The following ADAMTS19 variants were observed in gnomAD, a reference collection of about 807,000 sequenced individuals.
ADAMTS19 encodes ADAM metallopeptidase with thrombospondin type 1 motif 19.
In ADAMTS19, 93 loss-of-function variants were observed where a neutral mutation model predicts 153.3. The ratio of observed to expected loss-of-function variants is 0.61; its 90% CI spans 0.51 to 0.72. The LOEUF (loss-of-function observed/expected upper bound fraction) is 0.72. Among genes scored for constraint, ADAMTS19 ranks in the 30% least tolerant of loss-of-function variants. The pLI, the probability that ADAMTS19 is intolerant of heterozygous loss-of-function variation, is 0.00. For missense variants in ADAMTS19, 1,482 were observed against 1,552.1 expected (o/e 0.95, Z 0.76); for synonymous variants, 600 against 556.6 (o/e 1.08, Z -1.10).
intron 7 of ADAMTS19, among the ~76,000 whole-genome samples, chr5:129,569,275 CA>C: frequency 6.6e-6 from 1 of 151,890 alleles, no homozygotes; most frequent in Admixed American, 6.6e-5. Context: ...ATCAATTAAC[CA>C]AAAAGATATA....
intron 21 of ADAMTS19, among the ~76,000 whole-genome samples, chr5:129,729,161 A>G (rs918959608): frequency 2.0e-5 from 3 of 152,148 alleles, no homozygotes; most frequent in African/African-American, 7.2e-5. Context: ...AGGAAAAATA[A>G]GTTTCAGGTA....
intron 6 of ADAMTS19, among the ~76,000 whole-genome samples, chr5:129,539,548 C>A (rs1444206588): frequency 1.3e-5 from 2 of 152,032 alleles, no homozygotes; most frequent in Non-Finnish European, 2.9e-5. Context: ...TCTGTTATAG[C>A]AGCAATCGGA....
intron 15 of ADAMTS19, among the ~76,000 whole-genome samples, chr5:129,663,591 G>T (rs1753912618): frequency 1.3e-5 from 2 of 152,066 alleles, no homozygotes; most frequent in African/African-American, 4.8e-5. Context: ...TGGTTACTAA[G>T]TTCAGAAATT....
chr5:129,591,435 G>C (rs1750128710), intron 7 of ADAMTS19, among the ~76,000 whole-genome samples: 1 of 151,936 alleles, frequency 6.6e-6, no homozygotes, highest in Non-Finnish European at 1.5e-5. Context: ...TGGAACTACA[G>C]GCATGCACCA....
chr5:129,594,745 G>C (rs1434269742), intron 7 of ADAMTS19, among the ~76,000 whole-genome samples: 2 of 151,724 alleles, frequency 1.3e-5, no homozygotes, highest in African/African-American at 4.8e-5. Flanking sequence ...TTCATCTGTT[G>C]TTTAATAGAA....
intron 2 of ADAMTS19, among the ~76,000 whole-genome samples, chr5:129,504,743 G>C (rs867125468): frequency 1.3e-5 from 2 of 151,932 alleles, no homozygotes; most frequent in South Asian, 4.2e-4. Flanking sequence ...ATGTGAGATT[G>C]TGCAGTATTT....
At chr5:129,525,967 G>A (rs1388112677) in intron 3 of ADAMTS19, among the ~76,000 whole-genome samples, 1 of 151,946 alleles carries the variant, frequency 6.6e-6, no homozygotes, top group African/African-American at 2.4e-5. Flanking sequence ...TTATATTGGA[G>A]CTGTTTGCTA....
intron 21 of ADAMTS19, among the ~76,000 whole-genome samples, chr5:129,718,357 A>G (rs1290298869): frequency 6.6e-6 from 1 of 152,176 alleles, no homozygotes; most frequent in Admixed American, 6.5e-5. Flanking sequence ...AAAAAAAATA[A>G]TGAATTAATT....
Position 129,468,595 on chromosome 5 carries a change from G to A in ADAMTS19, c.747+6838G>A, listed in dbSNP as rs531545071. Among the ~76,000 whole-genome samples, 6 of 152,056 alleles carry A rather than the reference G, an allele frequency of 3.9e-5. No individual in the cohort carries two copies. The South Asian group carries it at 8.3e-4, about 21-fold the overall frequency. On this transcript the variant is annotated intron_variant, in intron 2 of 22. Transcript: ENST00000274487. ...TCTCGATCTCTTGACCTCATGATCC[G>A]CCCACCTTGGCCTCCCAAAGTGCTG...
At chr5:129,505,985 C>T (rs1169718027) in intron 2 of ADAMTS19, among the ~76,000 whole-genome samples, 3 of 152,088 alleles carry the variant, frequency 2.0e-5, no homozygotes, top group Admixed American at 6.6e-5. Flanking sequence ...ATTCAGAGGA[C>T]GATATTCGCA....
At chr5:129,596,485 C>CATT in intron 7 of ADAMTS19, 74 bp from the exon 8 acceptor site, 1 of 1,006,456 alleles carries the variant, frequency 9.9e-7, no homozygotes, top group Non-Finnish European at 1.5e-6. Flanking sequence ...CATTTTCATT[C>CATT]CTGCTGCTAA....
intron 7 of ADAMTS19, among the ~76,000 whole-genome samples, chr5:129,573,213 T>C (rs1753974742): frequency 6.6e-6 from 1 of 152,074 alleles, no homozygotes; most frequent in African/African-American, 2.4e-5. Flanking sequence ...AATGAAGCCT[T>C]GCTTAGGACC....
intron 10 of ADAMTS19, among the ~76,000 whole-genome samples, chr5:129,627,421 C>T (rs1752098659): frequency 6.6e-6 from 1 of 151,850 alleles, no homozygotes; most frequent in Non-Finnish European, 1.5e-5. Flanking sequence ...ACAACCTAGG[C>T]AATACTGGTC....
rs1752010804 is a variant in ADAMTS19, at chr5:129,526,436, A to G, written c.1066A>G (p.Ile356Val). 2 of 1,596,444 alleles carry G rather than the reference A, an allele frequency of 1.3e-6. No individual in the cohort carries two copies. The highest frequency in any genetic ancestry group is 2.3e-5 in the South Asian group (2 of 87,284). Reference sequence around the variant, plus strand: ...TGGAGCAGATGCAGCCAGGAGATTCATTCTAACCATCTTAAATATGGTAGG... The same window carrying G: ...TGGAGCAGATGCAGCCAGGAGATTCGTTCTAACCATCTTAAATATGGTAGG... ...YHGADAARRF[I>V]LTILNMVFNL... is the part of the protein sequence containing the mutation. The change falls in exon 4 of 23, where the codon ATT becomes GTT. Residue 356 changes from isoleucine (I) to valine (V), a missense_variant. Physicochemically the swap from Ile to Val is conservative, Grantham distance 29. This residue lies in a region of ADAMTS19 where 866 missense variants were observed against 827.7 expected (regional missense o/e 1.05). Transcript: ENST00000274487.
intron 7 of ADAMTS19, among the ~76,000 whole-genome samples, chr5:129,552,818 A>T (rs995381881): frequency 6.6e-6 from 1 of 152,064 alleles, no homozygotes; most frequent in Non-Finnish European, 1.5e-5. Flanking sequence ...ATATGTTTAA[A>T]ATCTTAGATA....
rs144262924 is a variant in ADAMTS19 at position 129,584,082 on chromosome 5, T to A, written c.1373-12477T>A. 4.4e-3 allele frequency among the ~76,000 whole-genome samples: 666 copies of A among 152,258 alleles called. 5 individuals are homozygous for A. Among genetic ancestry groups the A allele is most frequent in the Non-Finnish European group, 6.2e-3 (420 of 68,008 alleles). On this transcript the variant is annotated intron_variant, in intron 7 of 22. Coordinates refer to ENST00000274487, the MANE Select transcript of ADAMTS19 (RefSeq NM_133638.6). ...CTTTGGTCTTTGATGTTGATGACCTTCAGATGGGGTCTCTGACTGGATGTG... is the reference window on the plus strand; with the variant it reads ...CTTTGGTCTTTGATGTTGATGACCTACAGATGGGGTCTCTGACTGGATGTG...
intron 7 of ADAMTS19, among the ~76,000 whole-genome samples, chr5:129,575,119 A>G (rs1754054852): frequency 6.6e-6 from 1 of 152,086 alleles, no homozygotes; most frequent in Non-Finnish European, 1.5e-5. Context: ...TTACTTGAAT[A>G]AAAATGCTGA....
intron 18 of ADAMTS19, among the ~76,000 whole-genome samples, chr5:129,686,043 C>G (rs554003007): frequency 6.6e-6 from 1 of 152,178 alleles, no homozygotes; most frequent in Admixed American, 6.5e-5. Flanking sequence ...GAATCAATCA[C>G]TTAGATAATG....
At chr5:129,530,880 G>A (rs1039955140) in intron 6 of ADAMTS19, among the ~76,000 whole-genome samples, 2 of 150,792 alleles carry the variant, frequency 1.3e-5, no homozygotes, top group Admixed American at 1.3e-4. Flanking sequence ...CTTATTCACA[G>A]ATGATATGAA....
Sources: gnomAD v4.1 joint callset for allele counts (sites outside exome capture counted in the v4.1 genomes callset) on GRCh38, gnomAD v4.1.1 for gene constraint, gnomAD v4.1.1 regional missense constraint, MANE v1.5 for transcripts, NCBI Gene and HGNC (gene_info 2026-07-23, HGNC 2026-07-21) for gene names.